The following MECOM variants were observed in gnomAD, a reference collection of about 807,000 sequenced individuals.
MECOM encodes MDS1 and EVI1 complex locus, also known as histone-lysine N-methyltransferase MECOM.
In MECOM, 13 loss-of-function variants were observed where a neutral mutation model predicts 116.3. That is an observed-to-expected ratio of 0.11 (90% CI 0.07 to 0.18). The LOEUF (loss-of-function observed/expected upper bound fraction) is 0.18. Among genes scored for constraint, MECOM ranks in the 10% least tolerant of loss-of-function variants. The pLI is 1.00. For missense variants in MECOM, 1,299 were observed against 1,509.0 expected (o/e 0.86, Z 2.31); for synonymous variants, 528 against 535.2 (o/e 0.99, Z 0.19).
chr3:169,409,181 C>T (rs970956768), intron 1 of MECOM, among the ~76,000 whole-genome samples: 13 of 152,096 alleles, frequency 8.5e-5, no homozygotes, highest in South Asian at 2.1e-4. Flanking sequence ...ACCTAAGGCC[C>T]GAGCTGAGAA....
chr3:169,166,501 C>T (rs1195298039), intron 2 of MECOM, among the ~76,000 whole-genome samples: 6 of 152,136 alleles, frequency 3.9e-5, no homozygotes, highest in Non-Finnish European at 7.4e-5. Flanking sequence ...GATAATACAT[C>T]TATGTACTTA....
At chr3:169,437,518 T>C (rs1202114368) in intron 1 of MECOM, among the ~76,000 whole-genome samples, 1 of 152,206 alleles carries the variant, frequency 6.6e-6, no homozygotes, top group Non-Finnish European at 1.5e-5. Context: ...AGCACCTTCT[T>C]TGATAACCAC....
At chr3:169,168,337 C>CA (rs1743923618) in intron 2 of MECOM, among the ~76,000 whole-genome samples, 1 of 108,464 alleles carries the variant, frequency 9.2e-6, no homozygotes, top group Non-Finnish European at 1.9e-5. Flanking sequence ...ACTTGGCCTG[C>CA]TTTTTTTTTT....
chr3:169,166,841 T>C (rs993419793), intron 2 of MECOM, among the ~76,000 whole-genome samples: 8 of 152,212 alleles, frequency 5.3e-5, no homozygotes, highest in Non-Finnish European at 1.0e-4. Flanking sequence ...TATTGATTGA[T>C]TGAGACAGGA....
At chr3:169,401,715 A>T (rs1735936103) in intron 1 of MECOM, among the ~76,000 whole-genome samples, 1 of 152,234 alleles carries the variant, frequency 6.6e-6, no homozygotes, top group African/African-American at 2.4e-5. Context: ...GATGAGGGAA[A>T]AAAAGACCCT....
rs149087315 is a variant in MECOM, at chr3:169,623,074, C to T, written c.37+40262G>A. ...CAAAGAAGGGATCATTGAGATTTGT[C>T]AAGTCACAATTCAGATTAGATGTGA... On this transcript the variant is annotated intron_variant, in intron 1 of 16. Transcript: ENST00000651503. Among the ~76,000 whole-genome samples the T allele has an allele frequency of 6.9e-3, 1,057 of 152,276 alleles. 18 individuals carry two copies. Among genetic ancestry groups the T allele is most frequent in the African/African-American group, 0.023 (970 of 41,532 alleles).
At chr3:169,355,645 C>T (rs767395374) in intron 2 of MECOM, among the ~76,000 whole-genome samples, 15 of 151,852 alleles carry the variant, frequency 9.9e-5, no homozygotes, top group South Asian at 2.1e-4. Context: ...ACCGTTAAGA[C>T]GGCAGTTTCC....
intron 5 of MECOM, among the ~76,000 whole-genome samples, chr3:169,126,655 G>A (rs985927797): frequency 1.3e-5 from 2 of 152,066 alleles, no homozygotes; most frequent in Non-Finnish European, 2.9e-5. Context: ...AATTTTCAAA[G>A]CTAGATACTT....
At position 169,439,669 on chromosome 3, in the gene MECOM, C is replaced by T. The variant is rs28663262; in HGVS notation, c.38-58145G>A. ...GTGTGTAAATTGGCACAATTACTTC[C>T]AAACAATATTGTACTATCTTGTGCT... On this transcript the variant is annotated intron_variant, in intron 1 of 16. Transcript: ENST00000651503. Among the ~76,000 whole-genome samples the T allele has an allele frequency of 5.8e-3, 883 of 152,220 alleles. 8 individuals are homozygous for T. Among genetic ancestry groups the T allele is most frequent in the African/African-American group, 0.02 (851 of 41,536 alleles).
At chr3:169,547,509 A>T (rs1303100402) in intron 1 of MECOM, among the ~76,000 whole-genome samples, 4 of 152,166 alleles carry the variant, frequency 2.6e-5, no homozygotes, top group Admixed American at 2.0e-4. Context: ...AGGCAAACTA[A>T]TCTGGGTTCA....
chr3:169,663,212 C>T (rs1776561726), intron 1 of MECOM, 124 bp downstream of exon 1: 1 of 1,119,088 alleles, frequency 8.9e-7, no homozygotes, highest in Non-Finnish European at 1.3e-6. Flanking sequence ...CTGCGCTCCG[C>T]CTGCCCTCCA....
intron 1 of MECOM, among the ~76,000 whole-genome samples, chr3:169,624,151 G>A (rs1335336410): frequency 1.3e-5 from 2 of 152,180 alleles, no homozygotes; most frequent in East Asian, 3.9e-4. Flanking sequence ...AGGCGCAGGG[G>A]CCTAGCATAC....
At chr3:169,494,250 T>C (rs1374549456) in intron 1 of MECOM, among the ~76,000 whole-genome samples, 2 of 152,100 alleles carry the variant, frequency 1.3e-5, no homozygotes, top group Admixed American at 1.3e-4. Context: ...TGATTTTTAC[T>C]GATAAATTTT....
rs534020402 is a variant in MECOM, at chr3:169,370,754, A to G, written c.375+10433T>C. Reference sequence around the variant, plus strand: ...CTGAATAGATGTTTTTTCAAAGAAGACATACAATAGCGATCAAGTATATGA... The same window carrying G: ...CTGAATAGATGTTTTTTCAAAGAAGGCATACAATAGCGATCAAGTATATGA... On this transcript the variant is annotated intron_variant, in intron 2 of 16. Transcript: ENST00000651503. 2.7e-4 allele frequency among the ~76,000 whole-genome samples: 41 copies of G among 152,102 alleles called. 2 individuals are homozygous for G. In the South Asian group the frequency reaches 5.8e-3, roughly 22 times the overall value.
intron 3 of MECOM, among the ~76,000 whole-genome samples, chr3:169,133,060 A>G (rs926597096): frequency 1.1e-4 from 16 of 151,814 alleles, no homozygotes; most frequent in African/African-American, 3.9e-4. Context: ...CCCAGAATCA[A>G]TCTTATTAAG....
intron 1 of MECOM, among the ~76,000 whole-genome samples, chr3:169,640,394 A>T (rs115193899): frequency 1.6e-3 from 240 of 152,358 alleles, no homozygotes; most frequent in African/African-American, 5.6e-3. Context: ...GTCTGTCACC[A>T]TTCTAAAATT....
chr3:169,484,162 C>T (rs556539376), intron 1 of MECOM: 19 of 668,772 alleles, frequency 2.8e-5, no homozygotes, highest in Non-Finnish European at 4.4e-5. Context: ...CAACATTTTG[C>T]TTTGCCCAAT....
rs549722816 is a variant in MECOM at position 169,214,186 on chromosome 3, T to A, written c.376-70354A>T. On this transcript the variant is annotated intron_variant, in intron 2 of 16. Coordinates refer to ENST00000651503, the MANE Select transcript of MECOM (RefSeq NM_004991.4). ...GTGGCTTTGTAAAAGCCAACTTTTT[T>A]TTTAAACTAACATGTATGAACATCA... 4.0e-3 allele frequency among the ~76,000 whole-genome samples: 602 copies of A among 152,248 alleles called. 3 individuals carry two copies. Among genetic ancestry groups the A allele is most frequent in the Non-Finnish European group, 7.7e-3 (522 of 67,988 alleles).
chr3:169,384,045 C>A (rs1019571890), intron 1 of MECOM, among the ~76,000 whole-genome samples: 1 of 152,142 alleles, frequency 6.6e-6, no homozygotes, highest in Admixed American at 6.5e-5. Flanking sequence ...CAATCATATA[C>A]CATGCATTGC....
Sources: allele counts gnomAD v4.1 joint callset (sites outside exome capture counted in the v4.1 genomes callset), GRCh38; gene constraint gnomAD v4.1.1; transcripts MANE v1.5; gene names NCBI Gene and HGNC (gene_info 2026-07-23, HGNC 2026-07-21).